Variants in ANKAR observed in about 807,000 individuals in gnomAD.
ANKAR encodes the protein ankyrin and armadillo repeat-containing protein.
Under a neutral mutation model 146.2 loss-of-function variants are expected in ANKAR, and 136 were observed. The observed-to-expected ratio is 0.93, with a 90% CI of 0.81 to 1.07. The LOEUF (loss-of-function observed/expected upper bound fraction) is 1.07, where lower values mean the gene tolerates loss of function less well. ANKAR is among the 50% of genes least tolerant of loss of function. ANKAR has a pLI of 0.00. For missense variants in ANKAR, 1,567 were observed against 1,679.9 expected (o/e 0.93, Z 1.18); for synonymous variants, 500 against 575.8 (o/e 0.87, Z 1.88).
At chr2:189,760,387 C>T (rs2046844612) in intron 18 of ANKAR, among the ~76,000 whole-genome samples, 1 of 152,078 alleles carries the variant, frequency 6.6e-6, no homozygotes, top group Admixed American at 6.5e-5. Context: ...CAGAGGCGCC[C>T]CCACCTCCCA....
rs532811067 is a variant in ANKAR at position 189,702,226 on chromosome 2, C to T, written c.1709-2797C>T. ...CAGGTCTTGTTAAGAACAGAATGCC[C>T]TGGAGTATTTCAAAATGGTTCCTTT... On this transcript the variant is annotated intron_variant, in intron 7 of 22. Coordinates refer to ENST00000684021, the MANE Select transcript of ANKAR (RefSeq NM_001378068.1). 2.0e-5 allele frequency among the ~76,000 whole-genome samples: 3 copies of T among 152,260 alleles called. No homozygotes were observed. In the South Asian group the frequency reaches 6.2e-4, roughly 32 times the overall value.
downstream of ANKAR, chr2:189,761,577 A>T (rs2047070438): frequency 1.9e-6 from 3 of 1,610,688 alleles, no homozygotes; most frequent in Non-Finnish European, 2.5e-6. Context: ...CTTCTTAAAA[A>T]TTCATAAACT....
intron 18 of ANKAR, chr2:189,752,853 C>T: frequency 6.2e-7 from 1 of 1,613,482 alleles, no homozygotes; most frequent in Non-Finnish European, 8.5e-7. Context: ...GCTTACCATG[C>T]AATCATAATG....
At chr2:189,730,442 T>C in intron 15 of ANKAR, 53 bp from the exon 16 acceptor site, 2 of 1,153,468 alleles carry the variant, frequency 1.7e-6, no homozygotes, top group East Asian at 5.2e-5. Flanking sequence ...TGTTTGACTT[T>C]ACCATTTGTA....
At chr2:189,754,936 C>T in intron 18 of ANKAR, 1 of 496,256 alleles carries the variant, frequency 2.0e-6, no homozygotes, top group Non-Finnish European at 3.4e-6. Context: ...ACTGTATCTG[C>T]AAACTATTTC....
At chr2:189,753,964 A>G in intron 18 of ANKAR, 1 of 1,613,822 alleles carries the variant, frequency 6.2e-7, no homozygotes, top group Non-Finnish European at 8.5e-7. Flanking sequence ...TACAAAACAG[A>G]ATAGCCCGAT....
intron 22 of ANKAR, among the ~76,000 whole-genome samples, chr2:189,745,967 C>A (rs1403699632): frequency 6.6e-6 from 1 of 152,068 alleles, no homozygotes; most frequent in Non-Finnish European, 1.5e-5. Context: ...TAAACAACAA[C>A]CTGTTTATCA....
chr2:189,690,878 T>C (rs555919018), intron 3 of ANKAR, among the ~76,000 whole-genome samples: 1 of 152,290 alleles, frequency 6.6e-6, no homozygotes, highest in African/African-American at 2.4e-5. Context: ...GAAGCAAATA[T>C]GACTAACGTT....
chr2:189,754,429 TAACAA>T (rs1484155439), intron 18 of ANKAR: 112 of 1,293,826 alleles, frequency 8.7e-5, no homozygotes, highest in Non-Finnish European at 1.2e-4. Context: ...TGAAAATTAC[TAACAA>T]AACAAAAAAC....
intron 18 of ANKAR, among the ~76,000 whole-genome samples, chr2:189,756,462 T>C (rs996285071): frequency 6.6e-6 from 1 of 152,226 alleles, no homozygotes; most frequent in Non-Finnish European, 1.5e-5. Flanking sequence ...TAGTTCTATG[T>C]GTAGAAATGA....
chr2:189,761,544 G>A, downstream of ANKAR: 1 of 1,611,792 alleles, frequency 6.2e-7, no homozygotes. Context: ...TGAAGAAATA[G>A]TGTTCCAGGA....
chr2:189,693,296 A>G lies in ANKAR; in HGVS notation c.1307+119A>G, dbSNP rs745998695. ...ACCTTTACAATGGCGATTCCACAAT[A>G]ATAACCACCATGAATGACTTATGGA... On this transcript the variant is annotated intron_variant, in intron 5 of 22. Transcript: ENST00000684021. The G allele has an allele frequency of 3.6e-5, 23 of 644,628 alleles. No individual in the cohort carries two copies. In the Admixed American group the frequency reaches 3.9e-4, roughly 11 times the overall value. The allele number at this position is 644,628 out of a possible 1,614,324, so 39.9% of individuals were successfully genotyped here.
At chr2:189,737,250 C>G (rs2042946289) in intron 17 of ANKAR, among the ~76,000 whole-genome samples, 2 of 152,020 alleles carry the variant, frequency 1.3e-5, no homozygotes, top group South Asian at 4.2e-4. Context: ...TCTGGAAGGT[C>G]TGCCATACTT....
In ANKAR at chr2:189,730,583, C is replaced by A. The variant is rs535868167; in HGVS notation, c.3282C>A (p.His1094Gln). 7 of 1,585,086 alleles carry A rather than the reference C, an allele frequency of 4.4e-6. No homozygotes were observed. The East Asian group carries it at 1.6e-4, about 36-fold the overall frequency. Residue 1094 changes from histidine to glutamine, a missense_variant, in exon 16 of 23, where the codon CAC becomes CAA. Transcript: ENST00000684021. The part of the protein sequence containing the change: ...FPVLIQLLRN[H>Q]PSPNIKVEVA... ...TACTTATCCAACTACTAAGAAATCA[C>A]CCTTCTCCTAACATTAAGGTATAAA...
intron 17 of ANKAR, among the ~76,000 whole-genome samples, chr2:189,736,644 A>G (rs978980358): frequency 6.6e-6 from 1 of 151,898 alleles, no homozygotes; most frequent in African/African-American, 2.4e-5. Flanking sequence ...TCTCATGGCC[A>G]ATCTTATTTC....
chr2:189,711,844 G>C, intron 10 of ANKAR, among the ~76,000 whole-genome samples: 1 of 152,236 alleles, frequency 6.6e-6, no homozygotes, highest in East Asian at 1.9e-4. Context: ...TCCTTGCCAA[G>C]GGAAGCTGTG....
intron 7 of ANKAR, among the ~76,000 whole-genome samples, chr2:189,698,288 T>C (rs76567046): frequency 0.016 from 2,438 of 152,244 alleles, 65 homozygotes; most frequent in African/African-American, 0.056. Flanking sequence ...TTTATTGGTA[T>C]TCCTCTTCAG....
At chr2:189,704,544 CATATATAT>C (rs10578902) in intron 7 of ANKAR, among the ~76,000 whole-genome samples, 1,476 of 36,184 alleles carry the variant, frequency 0.041, 20 homozygotes, top group Non-Finnish European at 0.058. Flanking sequence ...CCTTTGTTAA[CATATATAT>C]ATATATATAT....
intron 18 of ANKAR, chr2:189,755,039 C>T (rs2045895664): frequency 1.9e-6 from 2 of 1,027,030 alleles, no homozygotes; most frequent in Admixed American, 3.1e-5. Flanking sequence ...TTTTTCTCAC[C>T]ATATGTGAAT....
Sources: gnomAD v4.1 joint callset for allele counts (sites outside exome capture counted in the v4.1 genomes callset) on GRCh38, gnomAD v4.1.1 for gene constraint, MANE v1.5 for transcripts, NCBI Gene and HGNC (gene_info 2026-07-23, HGNC 2026-07-21) for gene names.